Variants in PLP1 observed in about 807,000 individuals in gnomAD.
PLP1 encodes the protein proteolipid protein 1.
PLP1 carries 2 observed loss-of-function variants against 18.5 expected under a neutral mutation model. The observed-to-expected ratio is 0.11, with a 90% CI of 0.04 to 0.34. The LOEUF (loss-of-function observed/expected upper bound fraction) is 0.34. Ranked by LOEUF, PLP1 falls within the 10% of genes least tolerant of loss-of-function variation. The probability of loss-of-function intolerance (pLI) is 1.00; values close to 1 mark genes in which losing one functional copy is unlikely to be tolerated. For missense variants in PLP1, 105 were observed against 207.3 expected (o/e 0.51, Z 3.03); for synonymous variants, 86 against 83.2 (o/e 1.03, Z -0.19).
chrX:103,786,817 C>T, intron 3 of PLP1, 91 bp downstream of exon 3: 2 of 954,203 alleles, frequency 2.1e-6, no homozygotes, highest in Non-Finnish European at 3.0e-6. Flanking sequence ...AGGCTGGGTC[C>T]TCTCTAGGGG....
intron 6 of PLP1, 109 bp from the exon 7 acceptor site, chrX:103,790,418 C>A (rs1250981054): frequency 1.6e-6 from 1 of 634,574 alleles, no homozygotes; most frequent in Non-Finnish European, 2.7e-6. Flanking sequence ...GGGTTTTTCC[C>A]TTATTTAGTT....
chrX:103,786,345 A>G (rs901991180), intron 2 of PLP1, 120 bp from the exon 3 acceptor site: 3 of 1,039,486 alleles, frequency 2.9e-6, no homozygotes, highest in Non-Finnish European at 4.0e-6. Flanking sequence ...TGATTCCTCT[A>G]GAAAATCCCT....
chrX:103,789,287 T>TA (rs1201712100), intron 5 of PLP1, 46 bp from the exon 6 acceptor site: 2 of 920,830 alleles, frequency 2.2e-6, no homozygotes, highest in South Asian at 3.9e-5. Flanking sequence ...TGGAGCATAT[T>TA]ACTGCTGTTG....
At chrX:103,781,084 G>T (rs760487438) in intron 1 of PLP1, 1 of 202,324 alleles carries the variant, frequency 4.9e-6, no homozygotes, top group Non-Finnish European at 9.6e-6. Flanking sequence ...GCTGGGAATT[G>T]TGCAGGGTAC....
At chrX:103,780,072 G>A (rs1172774536) in intron 1 of PLP1, 1 of 112,993 alleles carries the variant, frequency 8.9e-6, no homozygotes, top group Non-Finnish European at 1.9e-5. Flanking sequence ...AGCTCAGCAA[G>A]TACTGATTGA....
At chrX:103,786,194 G>A (rs1220678986) in intron 2 of PLP1, 3 of 1,130,908 alleles carry the variant, frequency 2.7e-6, no homozygotes, top group South Asian at 3.9e-5. Flanking sequence ...CTGAAGGGTG[G>A]GGCAGGGAGA....
chrX:103,786,240 A>G (rs1269094426), intron 2 of PLP1: 1 of 1,139,599 alleles, frequency 8.8e-7, no homozygotes, highest in Non-Finnish European at 1.2e-6. Flanking sequence ...AGGGTAAGCA[A>G]GGTGTGGCGG....
chrX:103,780,862 G>A (rs2074447751), intron 1 of PLP1: 1 of 117,182 alleles, frequency 8.5e-6, no homozygotes. Flanking sequence ...TAGCATTTCG[G>A]CCTTGTCAAC....
At chrX:103,788,065 A>G (rs771156134) in intron 4 of PLP1, 99 bp downstream of exon 4, 15 of 663,198 alleles carry the variant, frequency 2.3e-5, no homozygotes, top group Non-Finnish European at 3.2e-5. Flanking sequence ...ATTATGAGAA[A>G]AATATAAGAT....
At chrX:103,780,470 C>T (rs866942419) in intron 1 of PLP1, among the ~76,000 whole-genome samples, 12 of 84,505 alleles carry the variant, frequency 1.4e-4, no homozygotes, top group Admixed American at 5.1e-4. Flanking sequence ...TGTGTGTGTG[C>T]GCGTCTGAAG....
chrX:103,777,772 T>C (rs184878506), intron 1 of PLP1, among the ~76,000 whole-genome samples: 16 of 112,554 alleles, frequency 1.4e-4, no homozygotes, highest in African/African-American at 4.8e-4. Flanking sequence ...GAAGTTCTGG[T>C]GGTAGTTTCT....
In PLP1 at chrX:103,786,770, A is replaced by G. The variant is rs1278589677; in HGVS notation, c.453+44A>G. On this transcript the variant is annotated intron_variant, in intron 3 of 6. Transcript: ENST00000621218. ...TTGTGGCAATAACAAGGGGTGGGGG[A>G]AAATTGGGCGCGAGTCTGTGGCCTC... is the stretch of plus-strand genomic sequence containing the variant. 5 of 1,185,023 alleles carry G rather than the reference A, an allele frequency of 4.2e-6. No homozygotes were observed. Among genetic ancestry groups the G allele is most frequent in the Admixed American group, 4.4e-5 (2 of 45,671 alleles).
At chrX:103,778,661 G>C (rs375417715) in intron 1 of PLP1, among the ~76,000 whole-genome samples, 3 of 111,744 alleles carry the variant, frequency 2.7e-5, no homozygotes, top group Non-Finnish European at 3.8e-5. Context: ...ATAAGGGCAC[G>C]ATTGAGGATG....
At position 103,788,526 on chromosome X, in the gene PLP1, G is replaced by C. The variant is rs775671930; in HGVS notation, c.696+16G>C. On this transcript the variant is annotated intron_variant, in intron 5 of 6. Coordinates refer to ENST00000621218, the MANE Select transcript of PLP1 (RefSeq NM_000533.5). Reference sequence around the variant, plus strand: ...AACAGCTGAGGTGAGTGGGTTATTTGGGTTATTTTACAAGGGAGTAGCTAA... The same window carrying C: ...AACAGCTGAGGTGAGTGGGTTATTTCGGTTATTTTACAAGGGAGTAGCTAA... 1 of 1,151,882 alleles carries C rather than the reference G, an allele frequency of 8.7e-7. No homozygotes were observed. The highest frequency in any genetic ancestry group is 1.2e-6 in the Non-Finnish European group (1 of 840,842). The allele number at this position is 1,151,882 out of a possible 1,213,427, so 94.9% of individuals were successfully genotyped here.
intron 5 of PLP1, 60 bp downstream of exon 5, chrX:103,788,570 C>A: frequency 2.3e-6 from 2 of 853,817 alleles, no homozygotes; most frequent in Non-Finnish European, 3.5e-6. Context: ...AAATTACACC[C>A]ATGGCCTTCA....
At position 103,785,641 on chromosome X, in the gene PLP1, A is replaced by G. The variant is rs937672540; in HGVS notation, c.64A>G (p.Thr22Ala). ...GGCCCCCTTTGCTTCCCTGGTGGCC[A>G]CTGGATTGTGTTTCTTTGGGGTGGC... ...VGAPFASLVA[T>A]GLCFFGVALF... is the part of the protein sequence containing the mutation. Residue 22 changes from threonine (T) to alanine (A), a missense_variant, in exon 2 of 7, where the codon ACT becomes GCT. Physicochemically the swap from Thr to Ala is moderately conservative, Grantham distance 58. Transcript: ENST00000621218. The G allele has an allele frequency of 6.6e-6, 8 of 1,207,866 alleles. No homozygotes were observed. The highest frequency in any genetic ancestry group is 9.0e-6 in the Non-Finnish European group (8 of 893,574).
At position 103,785,640 on chromosome X, in the gene PLP1, C is replaced by T. The variant is rs753285570; in HGVS notation, c.63C>T (p.Ala21=). 3 of 1,207,957 alleles carry T rather than the reference C, an allele frequency of 2.5e-6. No individual in the cohort carries two copies. The East Asian group carries it at 8.9e-5, about 36-fold the overall frequency. ...LVGAPFASLV[A]TGLCFFGVAL... The stretch of plus-strand genomic sequence containing the variant: ...GGGCCCCCTTTGCTTCCCTGGTGGC[C>T]ACTGGATTGTGTTTCTTTGGGGTGG... The change falls in exon 2 of 7, where the codon GCC becomes GCT. Residue 21 remains alanine, a synonymous_variant. Transcript: ENST00000621218.
chrX:103,781,816 A>G (rs777983768), intron 1 of PLP1, among the ~76,000 whole-genome samples: 1 of 112,432 alleles, frequency 8.9e-6, no homozygotes, highest in East Asian at 2.8e-4. Context: ...CTCATCTCGC[A>G]GTCTGTACTT....
intron 4 of PLP1, 108 bp downstream of exon 4, chrX:103,788,074 A>C: frequency 3.2e-6 from 2 of 619,155 alleles, no homozygotes; most frequent in Non-Finnish European, 5.4e-6. Context: ...AAAATATAAG[A>C]TGATGAATGA....
Sources: allele counts gnomAD v4.1 joint callset (sites outside exome capture counted in the v4.1 genomes callset), GRCh38; gene constraint gnomAD v4.1.1; transcripts MANE v1.5; gene names NCBI Gene and HGNC (gene_info 2026-07-23, HGNC 2026-07-21).